Variants in HPRT1 observed in about 807,000 individuals in gnomAD.
The protein encoded by HPRT1 is hypoxanthine-guanine phosphoribosyltransferase.
A neutral mutation model predicts 19.0 loss-of-function variants in HPRT1; 4 were observed. The observed-to-expected ratio is 0.21, with a 90% CI of 0.10 to 0.48. HPRT1 has a LOEUF of 0.48. HPRT1 is among the 20% of genes least tolerant of loss of function. The probability of loss-of-function intolerance (pLI) is 0.98; values close to 1 mark genes in which losing one functional copy is unlikely to be tolerated. For synonymous variants in HPRT1, 53 were observed against 54.9 expected (o/e 0.97, Z 0.15); for missense variants, 65 against 164.0 (o/e 0.40, Z 3.30).
chrX:134,492,260 C>T (rs915633390), intron 5 of HPRT1, among the ~76,000 whole-genome samples: 1 of 105,793 alleles, frequency 9.5e-6, no homozygotes, highest in Admixed American at 1.0e-4. Flanking sequence ...TACGTACCCA[C>T]AAAAGTATTA....
chrX:134,498,555 G>A (rs917474055), intron 7 of HPRT1, 53 bp from the exon 8 acceptor site: 3 of 1,014,933 alleles, frequency 3.0e-6, no homozygotes, highest in Non-Finnish European at 2.8e-6. Flanking sequence ...GCCAGTATTA[G>A]ATTTAAAAGT....
chrX:134,476,664 C>T (rs931886298), intron 3 of HPRT1, among the ~76,000 whole-genome samples: 1 of 111,800 alleles, frequency 8.9e-6, no homozygotes. Context: ...AGTCTTGTTA[C>T]GTTATGACTA....
intron 3 of HPRT1, among the ~76,000 whole-genome samples, chrX:134,478,699 T>C (rs1050646297): frequency 1.8e-5 from 2 of 112,200 alleles, no homozygotes; most frequent in Non-Finnish European, 3.8e-5. Context: ...ACTGCCACTT[T>C]TTATTTAGAA....
rs761902250 is a variant in HPRT1 at position 134,467,184 on chromosome X, G to A, written c.28-6175G>A. Among the ~76,000 whole-genome samples, 368 of 108,582 alleles carry A rather than the reference G, an allele frequency of 3.4e-3. 5 individuals are homozygous for A. Among genetic ancestry groups the A allele is most frequent in the African/African-American group, 0.012 (352 of 29,678 alleles). The allele number at this position is 108,582 out of a possible 115,157, so 94.3% of individuals were successfully genotyped here. ...TCCTGCCTCGGCCTCCCAAGTAACT[G>A]GGACTACAGGCACGTGCCACCACAC... On this transcript the variant is annotated intron_variant, in intron 1 of 8. Transcript: ENST00000298556.
chrX:134,469,194 C>T (rs748282313), intron 1 of HPRT1, among the ~76,000 whole-genome samples: 1 of 110,793 alleles, frequency 9.0e-6, no homozygotes, highest in East Asian at 2.8e-4. Context: ...CCAATATACC[C>T]AAATATATAT....
At chrX:134,499,526 T>C (rs1333591123) in intron 8 of HPRT1, among the ~76,000 whole-genome samples, 1 of 107,844 alleles carries the variant, frequency 9.3e-6, no homozygotes, top group Non-Finnish European at 1.9e-5. Context: ...AGAAACAGAC[T>C]GGGCGCGGTG....
chrX:134,475,836 G>A lies in HPRT1; in HGVS notation c.318+472G>A, dbSNP rs17881023. ...GAAAGGGGACTGCAGGTATACTCAA[G>A]AGAGTAAGTCGCACCAGAAACCACT... On this transcript the variant is annotated intron_variant, in intron 3 of 8. Coordinates refer to ENST00000298556, the MANE Select transcript of HPRT1 (RefSeq NM_000194.3). Among the ~76,000 whole-genome samples, 7 of 111,504 alleles carry A rather than the reference G, an allele frequency of 6.3e-5. No individual in the cohort carries two copies. In the South Asian group the frequency reaches 1.1e-3, roughly 18 times the overall value.
chrX:134,484,146 A>C (rs1457623565), intron 3 of HPRT1, among the ~76,000 whole-genome samples: 3 of 112,258 alleles, frequency 2.7e-5, no homozygotes, highest in Non-Finnish European at 5.6e-5. Context: ...CCATGACTCC[A>C]TACTTTTCAG....
chrX:134,493,943 C>G (rs17885867), intron 6 of HPRT1, among the ~76,000 whole-genome samples: 1,414 of 111,678 alleles, frequency 0.013, 24 homozygotes, highest in African/African-American at 0.044. Context: ...AAGATCTGGA[C>G]CTCCTGGAAT....
chrX:134,496,862 T>G (rs1257054652), intron 6 of HPRT1, among the ~76,000 whole-genome samples: 1 of 112,026 alleles, frequency 8.9e-6, no homozygotes, highest in Admixed American at 9.5e-5. Context: ...GATTCTGATG[T>G]GCAATCCAGG....
At chrX:134,462,975 A>C in intron 1 of HPRT1, among the ~76,000 whole-genome samples, 1 of 112,371 alleles carries the variant, frequency 8.9e-6, no homozygotes, top group Middle Eastern at 4.6e-3. Context: ...CTTAATCTCT[A>C]AACTTTTAAG....
chrX:134,490,184 C>T lies in HPRT1; in HGVS notation c.385-4C>T. On this transcript the variant is annotated splice_polypyrimidine_tract_variant and splice_region_variant and intron_variant, in intron 4 of 8. Coordinates refer to ENST00000298556, the MANE Select transcript of HPRT1 (RefSeq NM_000194.3). ...ACTGATTTTCATTTCTCTTTTTCTT[C>T]TAGAATGTCTTGATTGTGGAAGTAA... 9.6e-7 allele frequency: 1 copy of T among 1,036,791 alleles called. No homozygotes were observed. Among genetic ancestry groups the T allele is most frequent in the Non-Finnish European group, 1.3e-6 (1 of 744,703 alleles). 85.4% of individuals were successfully genotyped at this position (1,036,791 alleles called of 1,213,427 possible).
chrX:134,467,700 T>A (rs752056974), intron 1 of HPRT1, among the ~76,000 whole-genome samples: 1 of 111,701 alleles, frequency 9.0e-6, no homozygotes, highest in Non-Finnish European at 1.9e-5. Flanking sequence ...TTTATTGAAT[T>A]ATACCTATTT....
intron 1 of HPRT1, among the ~76,000 whole-genome samples, chrX:134,471,428 C>G (rs1415354876): frequency 9.0e-6 from 1 of 111,186 alleles, no homozygotes; most frequent in Non-Finnish European, 1.9e-5. Context: ...GCTAGACATA[C>G]CAAGACAACC....
chrX:134,480,627 A>T (rs188489695), intron 3 of HPRT1, among the ~76,000 whole-genome samples: 1,319 of 104,188 alleles, frequency 0.013, 24 homozygotes, highest in African/African-American at 0.044. Flanking sequence ...AAAAAAAAAA[A>T]TTGTAGAGAT....
chrX:134,472,174 A>G (rs1340794557), intron 1 of HPRT1, among the ~76,000 whole-genome samples: 2 of 110,049 alleles, frequency 1.8e-5, no homozygotes, highest in African/African-American at 3.3e-5. Context: ...GGGTCTTGCT[A>G]CATTCCCCAT....
rs765428290 is a variant in HPRT1 at position 134,487,980 on chromosome X, T to C, written c.384+1450T>C. Among the ~76,000 whole-genome samples the C allele has an allele frequency of 5.4e-5, 6 of 111,639 alleles. No individual in the cohort carries two copies. The East Asian group carries it at 1.4e-3, about 26-fold the overall frequency. On this transcript the variant is annotated intron_variant, in intron 4 of 8. Transcript: ENST00000298556. ...ATGGCTCTGTTCTACTACATAGATT[T>C]GATCTGAAACAGTTCTCTGTTTCTA...
chrX:134,489,253 A>G (rs1255091231), intron 4 of HPRT1, among the ~76,000 whole-genome samples: 2 of 111,975 alleles, frequency 1.8e-5, no homozygotes, highest in Non-Finnish European at 3.8e-5. Flanking sequence ...TTTAAATTAT[A>G]TATGATTTAT....
intron 1 of HPRT1, among the ~76,000 whole-genome samples, chrX:134,464,025 G>C (rs191057900): frequency 2.2e-4 from 24 of 110,839 alleles, no homozygotes; most frequent in African/African-American, 7.2e-4. Flanking sequence ...TTTTTGTCCA[G>C]AGTGAACATG....
Sources: gnomAD v4.1 joint callset for allele counts (sites outside exome capture counted in the v4.1 genomes callset) on GRCh38, gnomAD v4.1.1 for gene constraint, MANE v1.5 for transcripts, NCBI Gene and HGNC (gene_info 2026-07-23, HGNC 2026-07-21) for gene names.